Variants in CLP1 observed in about 807,000 individuals in gnomAD.
CLP1 encodes the protein polyribonucleotide 5'-hydroxyl-kinase Clp1.
Under a neutral mutation model 29.9 loss-of-function variants are expected in CLP1, and 18 were observed. That is an observed-to-expected ratio of 0.60 (90% CI 0.42 to 0.89). CLP1 has a LOEUF of 0.89. CLP1 is among the 40% of genes least tolerant of loss of function. CLP1 has a pLI of 0.00. For synonymous variants in CLP1, 162 were observed against 206.2 expected (o/e 0.79, Z 1.84); for missense variants, 357 against 544.8 (o/e 0.66, Z 3.43).
Position 57,660,214 on chromosome 11 carries a change from A to G in CLP1, c.606+132A>G, listed in dbSNP as rs1945861735. 3.2e-6 allele frequency: 3 copies of G among 931,970 alleles called. No individual in the cohort carries two copies. In the Admixed American group the frequency reaches 9.6e-5, roughly 30 times the overall value. 57.7% of individuals were successfully genotyped at this position (931,970 alleles called of 1,614,324 possible). ...CATTACTTTAGAAAGGCAATTCCAA[A>G]TATGTCAGTCTCAGATTGTTAAACA... On this transcript the variant is annotated intron_variant, in intron 2 of 2. Transcript: ENST00000533682.
Position 57,661,156 on chromosome 11 carries a change from C to T in CLP1, c.998C>T (p.Thr333Ile), listed in dbSNP as rs772331151. Residue 333 changes from threonine (T) to isoleucine (I), a missense_variant, in exon 3 of 3, where the codon ACC becomes ATC. By Grantham distance (89) the Thr-to-Ile change is moderately conservative. Coordinates refer to ENST00000533682, the MANE Select transcript of CLP1 (RefSeq NM_006831.3). Reference sequence around the variant, plus strand: ...AAAATCTACAAAGTTGGGGCACCCACCATCCCAGACTCCTGTTTACCTTTG... The same window carrying T: ...AAAATCTACAAAGTTGGGGCACCCATCATCCCAGACTCCTGTTTACCTTTG... ...DVKIYKVGAP[T>I]IPDSCLPLGM... is the part of the protein sequence containing the mutation. The T allele has an allele frequency of 1.2e-6, 2 of 1,614,102 alleles. No individual in the cohort carries two copies. The highest frequency in any genetic ancestry group is 1.3e-5 in the African/African-American group (1 of 74,928).
chr11:57,659,745 T>C lies in CLP1; in HGVS notation c.269T>C (p.Met90Thr). ...EVAYVSKDTP[M>T]LLYLNTHTAL... is the part of the protein sequence containing the mutation. ...GCTTATGTCTCCAAGGACACTCCTA[T>C]GTTGCTTTACCTCAACACTCACACA... Residue 90 changes from methionine to threonine, a missense_variant, in exon 2 of 3, where the codon ATG becomes ACG. Physicochemically the swap from Met to Thr is moderately conservative, Grantham distance 81. Transcript: ENST00000533682. The C allele has an allele frequency of 6.2e-7, 1 of 1,614,130 alleles. No homozygotes were observed. Among genetic ancestry groups the C allele is most frequent in the Non-Finnish European group, 8.5e-7 (1 of 1,180,024 alleles).
rs1349083015 is a variant in CLP1 at position 57,661,440 on chromosome 11, T to C, written c.*4T>C. 6.2e-7 allele frequency: 1 copy of C among 1,601,300 alleles called. No homozygotes were observed. The highest frequency in any genetic ancestry group is 1.1e-5 in the South Asian group (1 of 88,842). The stretch of plus-strand genomic sequence containing the variant: ...CCGGTTCATGGATCTGAAGTAGAGA[T>C]CAGCAGGAAGCCTTGCTGCCTGGGA... On this transcript the variant is annotated 3_prime_UTR_variant, in exon 3 of 3. Transcript: ENST00000533682.
In CLP1 at chr11:57,659,688, G is replaced by A; in HGVS notation, c.212G>A (p.Cys71Tyr). The A allele has an allele frequency of 6.2e-7, 1 of 1,614,128 alleles. No individual in the cohort carries two copies. The highest frequency in any genetic ancestry group is 8.5e-7 in the Non-Finnish European group (1 of 1,180,036). ...AKVAVFTWHGCSVQLSGRTEV... is the reference protein window; with the variant it reads ...AKVAVFTWHGYSVQLSGRTEV... The stretch of plus-strand genomic sequence containing the variant: ...GTGGCTGTTTTCACTTGGCATGGCT[G>A]TTCTGTGCAACTGAGCGGCCGCACT... Residue 71 changes from cysteine (C) to tyrosine (Y), a missense_variant, in exon 2 of 3, where the codon TGT becomes TAT. Coordinates refer to ENST00000533682, the MANE Select transcript of CLP1 (RefSeq NM_006831.3).
rs1945858833 is a variant in CLP1 at position 57,659,945 on chromosome 11, G to T, written c.469G>T (p.Val157Leu). ...YVELDVGQGS[V>L]SIPGTMGALY... ...GGAGCTGGATGTGGGCCAGGGTTCT[G>T]TGTCCATCCCTGGTACCATGGGGGC... Residue 157 changes from valine (V) to leucine (L), a missense_variant, in exon 2 of 3, where the codon GTG becomes TTG. Physicochemically the swap from Val to Leu is conservative, Grantham distance 32. Coordinates refer to ENST00000533682, the MANE Select transcript of CLP1 (RefSeq NM_006831.3). 14 of 1,614,018 alleles carry T rather than the reference G, an allele frequency of 8.7e-6. No homozygotes were observed. Among genetic ancestry groups the T allele is most frequent in the African/African-American group, 1.3e-5 (1 of 74,922 alleles).
At position 57,661,088 on chromosome 11, in the gene CLP1, C is replaced by G; in HGVS notation, c.930C>G (p.Gly310=). 6.2e-7 allele frequency: 1 copy of G among 1,614,220 alleles called. No individual in the cohort carries two copies. Among genetic ancestry groups the G allele is most frequent in the Non-Finnish European group, 8.5e-7 (1 of 1,180,056 alleles). ...RIREYFYGFR[G]CFYPHAFNVK... ...GTGAGTATTTTTATGGATTCCGAGG[C>G]TGTTTCTATCCCCATGCCTTCAATG... The change falls in exon 3 of 3, where the codon GGC becomes GGG. Residue 310 remains glycine, a synonymous_variant. Coordinates refer to ENST00000533682, the MANE Select transcript of CLP1 (RefSeq NM_006831.3).
In CLP1 at chr11:57,660,845, C is replaced by T. The variant is rs1945869458; in HGVS notation, c.687C>T (p.Asn229=). 6.2e-7 allele frequency: 1 copy of T among 1,613,924 alleles called. No individual in the cohort carries two copies. The highest frequency in any genetic ancestry group is 8.5e-7 in the Non-Finnish European group (1 of 1,179,946). ...CATCTGTGAGTGGCTGTGTCATTAA[C>T]ACCTGTGGCTGGGTCAAGGGCTCTG... ...RRASVSGCVI[N]TCGWVKGSGY... Residue 229 remains asparagine, a synonymous_variant, in exon 3 of 3, where the codon AAC becomes AAT. Coordinates refer to ENST00000533682, the MANE Select transcript of CLP1 (RefSeq NM_006831.3).
chr11:57,658,906 C>T (rs912518238), intron 1 of CLP1, among the ~76,000 whole-genome samples: 2 of 152,122 alleles, frequency 1.3e-5, no homozygotes, highest in African/African-American at 2.4e-5. Context: ...TCCCAAAGTG[C>T]TGGGATTACA....
At chr11:57,659,051 A>G (rs1420691262) in intron 1 of CLP1, among the ~76,000 whole-genome samples, 1 of 151,080 alleles carries the variant, frequency 6.6e-6, no homozygotes, top group Non-Finnish European at 1.5e-5. Flanking sequence ...CTGAAATTAC[A>G]GGCCTAAGCC....
rs1219375434 is a variant in CLP1, at chr11:57,661,378, G to A, written c.1220G>A (p.Arg407His). Residue 407 changes from arginine to histidine, a missense_variant, in exon 3 of 3, where the codon CGC becomes CAC. Physicochemically the swap from Arg to His is conservative, Grantham distance 29. Transcript: ENST00000533682. ...QVFTVLSPAP[R>H]PLPKNFLLIM... ...TTTACTGTTCTGTCTCCAGCCCCTC[G>A]CCCACTGCCTAAGAACTTCCTTCTC... 4 of 1,613,938 alleles carry A rather than the reference G, an allele frequency of 2.5e-6. No homozygotes were observed. The highest frequency in any genetic ancestry group is 2.5e-6 in the Non-Finnish European group (3 of 1,179,962).
chr11:57,660,577 G>A (rs531009975), intron 2 of CLP1, among the ~76,000 whole-genome samples, 188 bp from the exon 3 acceptor site: 43 of 152,130 alleles, frequency 2.8e-4, no homozygotes, highest in Non-Finnish European at 5.4e-4. Context: ...TCACTTGAAC[G>A]CGGGAGGTGG....
At chr11:57,660,177 G>A (rs1175783867) in intron 2 of CLP1, 95 bp downstream of exon 2, 5 of 1,289,626 alleles carry the variant, frequency 3.9e-6, no homozygotes, top group African/African-American at 1.5e-5. Flanking sequence ...TTCTCAGCTG[G>A]TATTTCTGCT....
At chr11:57,660,725 C>G (rs1349521807) in intron 2 of CLP1, 40 bp from the exon 3 acceptor site, 1 of 1,484,978 alleles carries the variant, frequency 6.7e-7, no homozygotes, top group East Asian at 2.3e-5. Flanking sequence ...ATGGGTTTGT[C>G]TGGGTGTTTT....
chr11:57,660,036 A>C lies in CLP1; in HGVS notation c.560A>C (p.His187Pro). 6.2e-7 allele frequency: 1 copy of C among 1,603,768 alleles called. No homozygotes were observed. Among genetic ancestry groups the C allele is most frequent in the Non-Finnish European group, 8.5e-7 (1 of 1,173,740 alleles). ...TCTATCCAGGCCCCTCTGGTGTATC[A>C]TTTTGGTTCCACCACTCCTGGCACT... ...GFSIQAPLVY[H>P]FGSTTPGTNI... The change falls in exon 2 of 3, where the codon CAT (histidine) becomes CCT (proline). Residue 187 changes from histidine to proline, a missense_variant. By Grantham distance (77) the His-to-Pro change is moderately conservative. Coordinates refer to ENST00000533682, the MANE Select transcript of CLP1 (RefSeq NM_006831.3).
intron 1 of CLP1, among the ~76,000 whole-genome samples, 171 bp downstream of exon 1, chr11:57,658,031 C>T (rs1647401): frequency 0.01 from 1,549 of 152,264 alleles, 41 homozygotes; most frequent in African/African-American, 0.034. Context: ...ATATCGTTTC[C>T]TTGCCGTTTT....
chr11:57,659,055 C>G (rs1193678462), intron 1 of CLP1, among the ~76,000 whole-genome samples: 6 of 151,224 alleles, frequency 4.0e-5, no homozygotes, highest in African/African-American at 1.5e-4. Flanking sequence ...AATTACAGGC[C>G]TAAGCCACTG....
chr11:57,660,110 G>C, intron 2 of CLP1, 28 bp downstream of exon 2: 1 of 1,526,462 alleles, frequency 6.6e-7, no homozygotes, highest in South Asian at 1.3e-5. Context: ...GTGGGGTGGA[G>C]GGAAGGGCTG....
chr11:57,659,702 A>C lies in CLP1; in HGVS notation c.226A>C (p.Ser76Arg). ...TTGGCATGGCTGTTCTGTGCAACTG[A>C]GCGGCCGCACTGAGGTGGCTTATGT... The part of the protein sequence containing the change: ...FTWHGCSVQL[S>R]GRTEVAYVSK... The change falls in exon 2 of 3, where the codon AGC becomes CGC. Residue 76 changes from serine (S) to arginine (R), a missense_variant. Physicochemically the swap from Ser to Arg is moderately radical, Grantham distance 110. Transcript: ENST00000533682. The C allele has an allele frequency of 6.2e-7, 1 of 1,614,058 alleles. No homozygotes were observed. The highest frequency in any genetic ancestry group is 8.5e-7 in the Non-Finnish European group (1 of 1,180,008).
rs1448528063 is a variant in CLP1 at position 57,661,330 on chromosome 11, G to T, written c.1172G>T (p.Ser391Ile). ...GTAGCTGGCTTCATTGTGGTGACCAGTGTGGACCTGGAGCATCAGGTGTTT... is the reference window on the plus strand; with the variant it reads ...GTAGCTGGCTTCATTGTGGTGACCATTGTGGACCTGGAGCATCAGGTGTTT... ...TSVAGFIVVT[S>I]VDLEHQVFTV... The change falls in exon 3 of 3, where the codon AGT becomes ATT. Residue 391 changes from serine (S) to isoleucine (I), a missense_variant. Physicochemically the swap from Ser to Ile is moderately radical, Grantham distance 142. Coordinates refer to ENST00000533682, the MANE Select transcript of CLP1 (RefSeq NM_006831.3). 2 of 1,614,120 alleles carry T rather than the reference G, an allele frequency of 1.2e-6. No individual in the cohort carries two copies. Among genetic ancestry groups the T allele is most frequent in the African/African-American group, 2.7e-5 (2 of 74,936 alleles).
Sources: gnomAD v4.1 joint callset for allele counts (sites outside exome capture counted in the v4.1 genomes callset) on GRCh38, gnomAD v4.1.1 for gene constraint, MANE v1.5 for transcripts, NCBI Gene and HGNC (gene_info 2026-07-23, HGNC 2026-07-21) for gene names.